The following HMGA2 variants were observed in gnomAD, a reference collection of about 807,000 sequenced individuals.
HMGA2 encodes high mobility group AT-hook 2.
HMGA2 carries 8 observed loss-of-function variants against 19.1 expected under a neutral mutation model. The observed-to-expected ratio is 0.42, with a 90% CI of 0.25 to 0.76. HMGA2 has a LOEUF of 0.76. Ranked by LOEUF, HMGA2 falls within the 30% of genes least tolerant of loss-of-function variation. The pLI is 0.28. For synonymous variants in HMGA2, 60 were observed against 48.8 expected (o/e 1.23, Z -0.96); for missense variants, 109 against 136.3 (o/e 0.80, Z 1.00).
chr12:65,893,802 A>T (rs1431728023), intron 3 of HMGA2, among the ~76,000 whole-genome samples: 1 of 152,242 alleles, frequency 6.6e-6, no homozygotes, highest in East Asian at 1.9e-4. Context: ...ATCCTCTAAG[A>T]GGAGAAAAGG....
At chr12:65,827,452 GA>G (rs1411566730) in intron 1 of HMGA2, among the ~76,000 whole-genome samples, 4 of 152,290 alleles carry the variant, frequency 2.6e-5, no homozygotes, top group African/African-American at 9.6e-5. Flanking sequence ...ATTTTGAACT[GA>G]AGAACTTGAA....
Position 65,963,236 on chromosome 12 carries a change from G to A in HMGA2, c.283-9G>A, listed in dbSNP as rs1471139105. 1.2e-6 allele frequency: 2 copies of A among 1,613,642 alleles called. No homozygotes were observed. The highest frequency in any genetic ancestry group is 2.2e-5 in the East Asian group (1 of 44,854). ...TGAGCGTCATGGCTGTGCCCTTTGT[G>A]TGTTCCAGGAGGAAACTGAAGAGAC... On this transcript the variant is annotated splice_polypyrimidine_tract_variant and intron_variant, in intron 4 of 4. Transcript: ENST00000403681.
intron 3 of HMGA2, among the ~76,000 whole-genome samples, chr12:65,862,608 A>G (rs1030988087): frequency 6.6e-6 from 1 of 152,228 alleles, no homozygotes; most frequent in Non-Finnish European, 1.5e-5. Flanking sequence ...TTAAGCATCA[A>G]GGATTAGACC....
intron 3 of HMGA2, among the ~76,000 whole-genome samples, chr12:65,865,635 T>A (rs1387501481): frequency 1.4e-5 from 2 of 141,782 alleles, no homozygotes; most frequent in Non-Finnish European, 3.1e-5. Flanking sequence ...CTATTTTTCT[T>A]TTTTTTTTTT....
At chr12:65,888,633 T>A (rs1314291512) in intron 3 of HMGA2, among the ~76,000 whole-genome samples, 11 of 122,194 alleles carry the variant, frequency 9.0e-5, no homozygotes, top group Admixed American at 1.9e-4. Flanking sequence ...GCGCGATCTC[T>A]GCTCACTGCA....
chr12:65,893,921 G>A (rs1319940077), intron 3 of HMGA2, among the ~76,000 whole-genome samples: 2 of 152,172 alleles, frequency 1.3e-5, no homozygotes, highest in Admixed American at 6.5e-5. Flanking sequence ...GTCACTGGCT[G>A]AAGAAGAGTG....
intron 3 of HMGA2, among the ~76,000 whole-genome samples, chr12:65,854,734 C>T (rs566642189): frequency 6.6e-6 from 1 of 152,164 alleles, no homozygotes; most frequent in African/African-American, 2.4e-5. Flanking sequence ...CTCCCCACTC[C>T]GGTATTCTTT....
At chr12:65,916,177 T>C (rs1276461105) in intron 3 of HMGA2, among the ~76,000 whole-genome samples, 1 of 152,200 alleles carries the variant, frequency 6.6e-6, no homozygotes, top group African/African-American at 2.4e-5. Context: ...CCAAATTGGT[T>C]CTGGTGATCA....
chr12:65,901,738 G>A (rs549522050), intron 3 of HMGA2, among the ~76,000 whole-genome samples: 4 of 151,882 alleles, frequency 2.6e-5, no homozygotes, highest in East Asian at 1.9e-4. Flanking sequence ...AGATCCTGAC[G>A]TTAAACATTT....
chr12:65,872,390 G>A (rs1046279297), intron 3 of HMGA2, among the ~76,000 whole-genome samples: 6 of 152,016 alleles, frequency 3.9e-5, no homozygotes, highest in Middle Eastern at 3.2e-3. Context: ...TCTGCACGTC[G>A]CTCGTCTCCA....
intron 3 of HMGA2, among the ~76,000 whole-genome samples, chr12:65,876,437 C>T (rs1360243451): frequency 1.3e-5 from 2 of 152,112 alleles, no homozygotes; most frequent in Non-Finnish European, 2.9e-5. Flanking sequence ...TTTCTATTAG[C>T]CAATAAGTTA....
At chr12:65,903,591 A>G (rs1472923297) in intron 3 of HMGA2, among the ~76,000 whole-genome samples, 7 of 152,052 alleles carry the variant, frequency 4.6e-5, no homozygotes, top group Admixed American at 1.3e-4. Context: ...CACTGTGAGA[A>G]GGATCCAAGG....
intron 3 of HMGA2, among the ~76,000 whole-genome samples, chr12:65,869,577 A>G (rs2121028791): frequency 6.6e-6 from 1 of 152,322 alleles, no homozygotes; most frequent in South Asian, 2.1e-4. Flanking sequence ...AGCTCTCCTT[A>G]TGTATTTAAG....
chr12:65,922,816 G>A (rs906237411), intron 3 of HMGA2, among the ~76,000 whole-genome samples: 1 of 152,100 alleles, frequency 6.6e-6, no homozygotes, highest in Non-Finnish European at 1.5e-5. Flanking sequence ...GAATCATGGG[G>A]GCCGGTCTTT....
At chr12:65,864,528 T>G (rs1190831821) in intron 3 of HMGA2, among the ~76,000 whole-genome samples, 1 of 152,210 alleles carries the variant, frequency 6.6e-6, no homozygotes, top group African/African-American at 2.4e-5. Flanking sequence ...CACATTCACC[T>G]TGCATTTGGC....
intron 3 of HMGA2, among the ~76,000 whole-genome samples, chr12:65,844,246 G>T (rs1180772444): frequency 6.6e-6 from 1 of 151,974 alleles, no homozygotes; most frequent in Non-Finnish European, 1.5e-5. Context: ...CCATTATCAC[G>T]TGCTTTAAAA....
intron 3 of HMGA2, among the ~76,000 whole-genome samples, chr12:65,927,891 G>A (rs71450835): frequency 0.17 from 24,825 of 147,216 alleles, 2,543 homozygotes; most frequent in South Asian, 0.32. Flanking sequence ...TATAAAATAT[G>A]TATGTATATA....
intron 3 of HMGA2, among the ~76,000 whole-genome samples, chr12:65,910,712 T>G (rs554513302): frequency 1.3e-5 from 2 of 152,306 alleles, no homozygotes; most frequent in African/African-American, 4.8e-5. Context: ...TTTTTTCTTT[T>G]TAAAACATCT....
intron 3 of HMGA2, among the ~76,000 whole-genome samples, chr12:65,944,934 C>T (rs961617168): frequency 2.0e-5 from 3 of 151,512 alleles, no homozygotes; most frequent in Admixed American, 2.0e-4. Context: ...CTCACAGGTG[C>T]GATCATAGCA....
Sources: gnomAD v4.1 joint callset for allele counts (sites outside exome capture counted in the v4.1 genomes callset) on GRCh38, gnomAD v4.1.1 for gene constraint, MANE v1.5 for transcripts, NCBI Gene and HGNC (gene_info 2026-07-23, HGNC 2026-07-21) for gene names.